The following GNAL variants were observed in gnomAD, a reference collection of about 807,000 sequenced individuals.
GNAL encodes the protein guanine nucleotide-binding protein G(olf) subunit alpha.
GNAL carries 18 observed loss-of-function variants against 55.1 expected under a neutral mutation model. The observed-to-expected ratio is 0.33, with a 90% confidence interval of 0.23 to 0.48. The LOEUF is 0.48. Among genes scored for constraint, GNAL ranks in the 20% least tolerant of loss-of-function variants. The pLI is 0.99. For synonymous variants in GNAL, 253 were observed against 237.0 expected (o/e 1.07, Z -0.62); for missense variants, 412 against 614.1 (o/e 0.67, Z 3.48).
At chr18:11,759,834 C>T (rs1394258235) in intron 4 of GNAL, among the ~76,000 whole-genome samples, 1 of 152,176 alleles carries the variant, frequency 6.6e-6, no homozygotes, top group African/African-American at 2.4e-5. Flanking sequence ...ATCTGTGTTC[C>T]CTCTCCAAGC....
At chr18:11,785,815 A>T (rs1188797894) in intron 4 of GNAL, among the ~76,000 whole-genome samples, 1 of 152,144 alleles carries the variant, frequency 6.6e-6, no homozygotes, top group African/African-American at 2.4e-5. Flanking sequence ...GTTAAGCAGC[A>T]GCTCCTCTGC....
At chr18:11,846,156 T>G (rs2035730128) in intron 5 of GNAL, among the ~76,000 whole-genome samples, 1 of 152,026 alleles carries the variant, frequency 6.6e-6, no homozygotes, top group Non-Finnish European at 1.5e-5. Context: ...ATTTTCAGCT[T>G]CTCAAAGTGG....
intron 7 of GNAL, among the ~76,000 whole-genome samples, chr18:11,866,936 AC>A (rs1230637073): frequency 1.3e-5 from 2 of 151,728 alleles, no homozygotes; most frequent in East Asian, 3.9e-4. Flanking sequence ...TTGATCTGTC[AC>A]CCCTGTAGCC....
intron 5 of GNAL, among the ~76,000 whole-genome samples, chr18:11,849,349 A>G (rs2035803473): frequency 6.6e-6 from 1 of 152,166 alleles, no homozygotes; most frequent in South Asian, 2.1e-4. Flanking sequence ...TGAAAATACA[A>G]AAATTAGCCG....
intron 1 of GNAL, among the ~76,000 whole-genome samples, chr18:11,727,029 A>T (rs1024895935): frequency 6.6e-6 from 1 of 151,820 alleles, no homozygotes; most frequent in African/African-American, 2.4e-5. Flanking sequence ...GGTCCTCAGT[A>T]GCAGCCTCTG....
chr18:11,742,591 A>G (rs1210414575), intron 1 of GNAL, among the ~76,000 whole-genome samples: 1 of 152,186 alleles, frequency 6.6e-6, no homozygotes, highest in Non-Finnish European at 1.5e-5. Flanking sequence ...TGGGGCTCAT[A>G]TGCTCACCCG....
At chr18:11,851,424 A>G in intron 5 of GNAL, 1 of 1,415,292 alleles carries the variant, frequency 7.1e-7, no homozygotes, top group Non-Finnish European at 9.3e-7. Flanking sequence ...AAAACAAAGG[A>G]GCGGCGGCCG....
At chr18:11,767,860 C>A (rs182304072) in intron 4 of GNAL, among the ~76,000 whole-genome samples, 4 of 152,296 alleles carry the variant, frequency 2.6e-5, no homozygotes, top group Admixed American at 2.6e-4. Context: ...ACTAAGATTT[C>A]CAAGAACACA....
At chr18:11,807,326 T>C (rs963182837) in intron 4 of GNAL, among the ~76,000 whole-genome samples, 2 of 152,216 alleles carry the variant, frequency 1.3e-5, no homozygotes, top group Non-Finnish European at 2.9e-5. Flanking sequence ...CTGAGTGGAA[T>C]GGACTGTGGT....
chr18:11,856,913 C>T (rs2036020912), intron 5 of GNAL, among the ~76,000 whole-genome samples: 1 of 152,274 alleles, frequency 6.6e-6, no homozygotes, highest in South Asian at 2.1e-4. Flanking sequence ...GCCTGGGTGA[C>T]AGAGTGAGAC....
intron 1 of GNAL, among the ~76,000 whole-genome samples, chr18:11,704,846 T>C (rs2031666128): frequency 6.6e-6 from 1 of 152,106 alleles, no homozygotes; most frequent in African/African-American, 2.4e-5. Context: ...ACAGCACATA[T>C]TTAAAGTGTG....
chr18:11,878,969 G>T (rs1253357101), intron 11 of GNAL, among the ~76,000 whole-genome samples: 2 of 144,782 alleles, frequency 1.4e-5, no homozygotes, highest in African/African-American at 2.5e-5. Context: ...GGTTGGAGGA[G>T]TGGGGAGGGA....
intron 1 of GNAL, among the ~76,000 whole-genome samples, chr18:11,711,577 A>G (rs1253326930): frequency 2.6e-5 from 4 of 151,834 alleles, no homozygotes; most frequent in East Asian, 1.9e-4. Context: ...TATAGTTTCT[A>G]TTTCTTTGTT....
intron 4 of GNAL, among the ~76,000 whole-genome samples, chr18:11,760,726 G>T (rs1568014641): frequency 6.6e-6 from 1 of 152,058 alleles, no homozygotes; most frequent in Non-Finnish European, 1.5e-5. Flanking sequence ...GGTGGACAGG[G>T]TGCAGACACC....
At chr18:11,841,506 CA>C (rs2035612814) in intron 5 of GNAL, among the ~76,000 whole-genome samples, 1 of 151,812 alleles carries the variant, frequency 6.6e-6, no homozygotes, top group Non-Finnish European at 1.5e-5. Flanking sequence ...ATTAGTCGGG[CA>C]TGGTGACGCA....
intron 1 of GNAL, among the ~76,000 whole-genome samples, chr18:11,708,556 A>G (rs536790151): frequency 6.6e-6 from 1 of 152,360 alleles, no homozygotes; most frequent in South Asian, 2.1e-4. Flanking sequence ...ATACAGAGAC[A>G]CAAAGTGAGC....
At chr18:11,755,341 G>A (rs574709016) in intron 4 of GNAL, among the ~76,000 whole-genome samples, 27 of 152,080 alleles carry the variant, frequency 1.8e-4, no homozygotes, top group Admixed American at 1.0e-3. Flanking sequence ...GTGCAGTGGC[G>A]CGGCTCACTG....
At chr18:11,756,085 T>C (rs1274450630) in intron 4 of GNAL, among the ~76,000 whole-genome samples, 1 of 152,226 alleles carries the variant, frequency 6.6e-6, no homozygotes, top group East Asian at 1.9e-4. Context: ...TTAAGATTTA[T>C]TAATCGGTCC....
chr18:11,766,521 G>A (rs1484432763), intron 4 of GNAL, among the ~76,000 whole-genome samples: 1 of 152,200 alleles, frequency 6.6e-6, no homozygotes. Flanking sequence ...TCAACAGAAT[G>A]GTTGGCCTTA....
Sources: allele counts gnomAD v4.1 joint callset (sites outside exome capture counted in the v4.1 genomes callset), GRCh38; gene constraint gnomAD v4.1.1; transcripts MANE v1.5; gene names NCBI Gene and HGNC (gene_info 2026-07-23, HGNC 2026-07-21).